Variants in DENND2B observed in about 807,000 individuals in gnomAD.
DENND2B encodes DENN domain containing 2B, also known as DENN domain-containing protein 2B.
Under a neutral mutation model 116.0 loss-of-function variants are expected in DENND2B, and 32 were observed. That is an observed-to-expected ratio of 0.28 (90% CI 0.21 to 0.37). The LOEUF is 0.37. Ranked by LOEUF, DENND2B falls within the 10% of genes least tolerant of loss-of-function variation. DENND2B has a pLI of 1.00. For synonymous variants in DENND2B, 588 were observed against 583.9 expected (o/e 1.01, Z -0.10); for missense variants, 1,276 against 1,477.7 (o/e 0.86, Z 2.24).
intron 1 of DENND2B, among the ~76,000 whole-genome samples, chr11:8,804,567 C>CTTTTTT: frequency 1.6e-4 from 1 of 6,378 alleles, no homozygotes; most frequent in Non-Finnish European, 7.1e-4. Flanking sequence ...TTTTTTGAGA[C>CTTTTTT]GAAGTCTTGC....
In DENND2B at chr11:8,729,938, G is replaced by A. The variant is rs922197823; in HGVS notation, c.1340+12C>T. 9 of 1,613,118 alleles carry A rather than the reference G, an allele frequency of 5.6e-6. No individual in the cohort carries two copies. Among genetic ancestry groups the A allele is most frequent in the Non-Finnish European group, 6.8e-6 (8 of 1,179,478 alleles). On this transcript the variant is annotated intron_variant, in intron 3 of 19. Coordinates refer to ENST00000313726, the MANE Select transcript of DENND2B (RefSeq NM_213618.2). ...GTATTCAGCTACAACACACCGGAGG[G>A]GCATGCATTACCTGCTCTGGGACTT...
chr11:8,752,773 T>C (rs188644473), intron 1 of DENND2B, among the ~76,000 whole-genome samples: 2 of 152,182 alleles, frequency 1.3e-5, no homozygotes, highest in Admixed American at 1.3e-4. Context: ...AAAAGGAATA[T>C]GAAGATTAAA....
intron 1 of DENND2B, among the ~76,000 whole-genome samples, chr11:8,884,122 G>A (rs1008909624): frequency 2.6e-5 from 4 of 152,090 alleles, no homozygotes; most frequent in Non-Finnish European, 5.9e-5. Context: ...GTCAGAAGTT[G>A]CTCTCTCACT....
intron 4 of DENND2B, among the ~76,000 whole-genome samples, chr11:8,819,958 TTTCTC>T (rs1197142512): frequency 2.0e-5 from 3 of 152,356 alleles, no homozygotes; most frequent in Non-Finnish European, 4.4e-5. Flanking sequence ...CATTGCAACT[TTTCTC>T]TAAGTCTAAA....
chr11:8,718,205 G>C (rs1160121259), intron 4 of DENND2B: 1 of 798,786 alleles, frequency 1.3e-6, no homozygotes, highest in Non-Finnish European at 2.1e-6. Flanking sequence ...CCTGTGCCCA[G>C]CCAGAGGACA....
intron 3 of DENND2B, among the ~76,000 whole-genome samples, chr11:8,852,226 A>G (rs924915984): frequency 6.6e-6 from 1 of 152,208 alleles, no homozygotes; most frequent in Non-Finnish European, 1.5e-5. Flanking sequence ...CAAGTGGAGG[A>G]CTGAAGTAAA....
intron 18 of DENND2B, 103 bp downstream of exon 18, chr11:8,696,324 C>T: frequency 1.3e-6 from 2 of 1,515,930 alleles, no homozygotes; most frequent in East Asian, 2.3e-5. Context: ...TGTTAAGAGG[C>T]CTGGCCCTAG....
intron 1 of DENND2B, among the ~76,000 whole-genome samples, chr11:8,801,689 A>AGAAAG (rs1555198989): frequency 1.4e-4 from 16 of 117,698 alleles, no homozygotes; most frequent in South Asian, 1.3e-3. Context: ...AAAAAAAAAA[A>AGAAAG]AAAGAAAGAA....
intron 1 of DENND2B, among the ~76,000 whole-genome samples, chr11:8,754,948 T>C (rs2053346614): frequency 6.6e-6 from 1 of 152,250 alleles, no homozygotes; most frequent in African/African-American, 2.4e-5. Flanking sequence ...TAGATAGTGG[T>C]AATGGTTGTA....
chr11:8,821,709 T>A (rs2061774819), intron 4 of DENND2B, among the ~76,000 whole-genome samples: 2 of 152,260 alleles, frequency 1.3e-5, no homozygotes, highest in African/African-American at 4.8e-5. Context: ...AAAAAATTTA[T>A]ACCAAGCAAT....
chr11:8,803,858 A>G (rs1663788802), intron 1 of DENND2B, among the ~76,000 whole-genome samples: 1 of 152,160 alleles, frequency 6.6e-6, no homozygotes, highest in South Asian at 2.1e-4. Context: ...CTGCATCTGG[A>G]AGGGTACAAG....
chr11:8,722,169 G>A (rs1184411284), intron 4 of DENND2B, among the ~76,000 whole-genome samples: 1 of 152,178 alleles, frequency 6.6e-6, no homozygotes, highest in Non-Finnish European at 1.5e-5. Context: ...AGTATGTTTG[G>A]GAGTACCCCA....
At chr11:8,905,516 C>T (rs2064224386) in intron 1 of DENND2B, among the ~76,000 whole-genome samples, 1 of 151,898 alleles carries the variant, frequency 6.6e-6, no homozygotes, top group Admixed American at 6.6e-5. Context: ...GATATAACAC[C>T]AAAAGCACAA....
chr11:8,894,296 T>C (rs970406958), intron 1 of DENND2B, among the ~76,000 whole-genome samples: 4 of 152,162 alleles, frequency 2.6e-5, no homozygotes, highest in African/African-American at 9.7e-5. Context: ...ATAAAAACCC[T>C]AGAAGAAAAC....
intron 18 of DENND2B, chr11:8,695,975 G>A: frequency 4.1e-6 from 1 of 246,234 alleles, no homozygotes; most frequent in Non-Finnish European, 7.9e-6. Flanking sequence ...GCCCTCGAAT[G>A]AGCTGATGAA....
At chr11:8,728,897 T>C (rs1452804786) in intron 3 of DENND2B, among the ~76,000 whole-genome samples, 1 of 152,192 alleles carries the variant, frequency 6.6e-6, no homozygotes, top group African/African-American at 2.4e-5. Flanking sequence ...TAGAAATGGA[T>C]GAACAAGGAC....
intron 1 of DENND2B, among the ~76,000 whole-genome samples, chr11:8,764,206 C>T (rs1401314906): frequency 4.2e-5 from 6 of 144,030 alleles, no homozygotes; most frequent in Non-Finnish European, 9.1e-5. Flanking sequence ...GGCAATAGAG[C>T]GAGAATCAAT....
chr11:8,856,127 C>T (rs933335145), intron 3 of DENND2B, among the ~76,000 whole-genome samples: 4 of 152,154 alleles, frequency 2.6e-5, no homozygotes, highest in African/African-American at 9.7e-5. Flanking sequence ...AAGAGCTTAA[C>T]ATGAAATAGA....
intron 3 of DENND2B, among the ~76,000 whole-genome samples, chr11:8,727,234 T>C (rs1011767172): frequency 2.0e-5 from 3 of 152,182 alleles, no homozygotes; most frequent in Admixed American, 6.5e-5. Context: ...CCATCAGACC[T>C]TTCAGCCAAT....
Sources: allele counts gnomAD v4.1 joint callset (sites outside exome capture counted in the v4.1 genomes callset), GRCh38; gene constraint gnomAD v4.1.1; transcripts MANE v1.5; gene names NCBI Gene and HGNC (gene_info 2026-07-23, HGNC 2026-07-21).